The following RIN2 variants were observed in gnomAD, a reference collection of about 807,000 sequenced individuals.
The protein encoded by RIN2 is Ras and Rab interactor 2, also known as RAB5 interacting protein 2.
In RIN2, 36 loss-of-function variants were observed where a neutral mutation model predicts 78.0. That is an observed-to-expected ratio of 0.46 (90% CI 0.35 to 0.61). RIN2 has a LOEUF of 0.61. Among genes scored for constraint, RIN2 ranks in the 20% least tolerant of loss-of-function variants. The pLI, the probability that RIN2 is intolerant of heterozygous loss-of-function variation, is 0.00. For synonymous variants in RIN2, 466 were observed against 466.8 expected (o/e 1.00, Z 0.02); for missense variants, 1,087 against 1,159.7 (o/e 0.94, Z 0.91).
intron 7 of RIN2, among the ~76,000 whole-genome samples, chr20:19,969,185 G>C (rs2042026985): frequency 6.6e-6 from 1 of 152,174 alleles, no homozygotes. Flanking sequence ...GATTTAATCT[G>C]GTTTATCCAA....
At chr20:19,996,055 C>T (rs1248936999) in intron 11 of RIN2, among the ~76,000 whole-genome samples, 1 of 151,456 alleles carries the variant, frequency 6.6e-6, no homozygotes, top group African/African-American at 2.4e-5. Flanking sequence ...GTGGTCATGC[C>T]TGTAATCCCA....
rs1188806489 is a variant in RIN2, at chr20:19,974,725, G to T, written c.700G>T (p.Gly234Cys). ...TCCCCATAGGCCTCTTTCCTCCGAC[G>T]GTGTCTGTCCTGCCTCCCTGCGTCA... ...PPPHRPLSSD[G>C]VCPASLRQLC... Residue 234 changes from glycine to cysteine, a missense_variant, in exon 9 of 13, where the codon GGT becomes TGT. Physicochemically the swap from Gly to Cys is radical, Grantham distance 159. This residue lies in a region of RIN2 where 706 missense variants were observed against 667.5 expected (regional missense o/e 1.06). Transcript: ENST00000255006. 6.2e-7 allele frequency: 1 copy of T among 1,613,928 alleles called. No individual in the cohort carries two copies. The highest frequency in any genetic ancestry group is 8.5e-7 in the Non-Finnish European group (1 of 1,179,872).
intron 2 of RIN2, among the ~76,000 whole-genome samples, chr20:19,803,050 CTGT>C (rs1007717158): frequency 7.2e-5 from 11 of 152,290 alleles, no homozygotes; most frequent in African/African-American, 2.6e-4. Context: ...TTTATTGTTC[CTGT>C]TGTTCTACCT....
In RIN2 at chr20:19,975,555, G is replaced by T. The variant is rs755250708; in HGVS notation, c.1530G>T (p.Pro510=). 6.2e-7 allele frequency: 1 copy of T among 1,614,044 alleles called. No homozygotes were observed. The highest frequency in any genetic ancestry group is 8.5e-7 in the Non-Finnish European group (1 of 1,179,900). The part of the protein sequence containing the change: ...VSGVFSSFMT[P]EKRMVRRIAE... ...GGGTGTTCAGCTCCTTCATGACCCC[G>T]GAGAAGCGGATGGTCCGCAGGATCG... The change falls in exon 9 of 13, where the codon CCG becomes CCT. Residue 510 remains proline (P), a synonymous_variant. Coordinates refer to ENST00000255006, the MANE Select transcript of RIN2 (RefSeq NM_018993.4). This position sits in a 1 kb window ranked among gnomAD's most constrained non-coding sequence, Gnocchi z 4.9.
intron 3 of RIN2, among the ~76,000 whole-genome samples, chr20:19,902,777 A>C (rs1476113118): frequency 1.3e-5 from 2 of 152,214 alleles, no homozygotes; most frequent in East Asian, 3.9e-4. Flanking sequence ...TTATACTAAA[A>C]AACATTATTC....
At chr20:19,902,612 G>C (rs1048951384) in intron 3 of RIN2, among the ~76,000 whole-genome samples, 1 of 152,134 alleles carries the variant, frequency 6.6e-6, no homozygotes, top group Non-Finnish European at 1.5e-5. Flanking sequence ...TCAGTCCGAG[G>C]GAGCTGGGGG....
intron 2 of RIN2, among the ~76,000 whole-genome samples, chr20:19,827,275 CTTTT>C (rs2036121671): frequency 6.6e-6 from 1 of 152,158 alleles, no homozygotes; most frequent in African/African-American, 2.4e-5. Flanking sequence ...CACACCCCGC[CTTTT>C]TCTAATTTTC....
chr20:19,932,202 C>T (rs1387744895), intron 3 of RIN2, among the ~76,000 whole-genome samples: 6 of 152,178 alleles, frequency 3.9e-5, no homozygotes, highest in South Asian at 2.1e-4. Context: ...TTTTCAAAGA[C>T]GTGGTTTCCT....
intron 4 of RIN2, among the ~76,000 whole-genome samples, chr20:19,948,420 A>G (rs2041183237): frequency 6.6e-6 from 1 of 152,182 alleles, no homozygotes; most frequent in African/African-American, 2.4e-5. Context: ...TTGGAGACGC[A>G]GTATCCATCT....
chr20:19,960,371 A>C (rs1394205519), intron 5 of RIN2, among the ~76,000 whole-genome samples: 2 of 152,224 alleles, frequency 1.3e-5, no homozygotes, highest in East Asian at 3.8e-4. Flanking sequence ...TACAGAATAT[A>C]ACTCATATAA....
At position 19,975,287 on chromosome 20, in the gene RIN2, C is replaced by T. The variant is rs1334546632; in HGVS notation, c.1262C>T (p.Pro421Leu). Reference sequence around the variant, plus strand: ...CCGCCCAGCTCTGAATCACGGCCCCCGTGCCATGGAGGCCGGCAGCGGCTG... The same window carrying T: ...CCGCCCAGCTCTGAATCACGGCCCCTGTGCCATGGAGGCCGGCAGCGGCTG... ...APPPSSESRP[P>L]CHGGRQRLSD... Residue 421 changes from proline (P) to leucine (L), a missense_variant, in exon 9 of 13, where the codon CCG becomes CTG. By Grantham distance (98) the Pro-to-Leu change is moderately conservative (BLOSUM62 -3). Around this residue, in one of 8 missense-constraint regions of RIN2, gnomAD observed 706 missense variants for 667.5 expected, o/e 1.06. Coordinates refer to ENST00000255006, the MANE Select transcript of RIN2 (RefSeq NM_018993.4). This position sits in a 1 kb window ranked among gnomAD's most constrained non-coding sequence, Gnocchi z 4.9. The T allele has an allele frequency of 3.1e-6, 5 of 1,600,892 alleles. No homozygotes were observed. The highest frequency in any genetic ancestry group is 1.7e-5 in the Admixed American group (1 of 57,910).
chr20:19,764,298 A>G (rs948375961), intron 1 of RIN2, among the ~76,000 whole-genome samples: 15 of 152,238 alleles, frequency 9.9e-5, no homozygotes, highest in Non-Finnish European at 1.9e-4. Context: ...CTTTTAAAAC[A>G]TGAATGGAAG....
intron 2 of RIN2, chr20:19,886,785 C>A: frequency 5.3e-6 from 8 of 1,515,760 alleles, no homozygotes; most frequent in Non-Finnish European, 7.1e-6. Flanking sequence ...ACTACGGTAC[C>A]CTTTTTGTTT....
chr20:19,934,041 C>G (rs2040536806), intron 3 of RIN2, among the ~76,000 whole-genome samples: 1 of 152,044 alleles, frequency 6.6e-6, no homozygotes, highest in Admixed American at 6.5e-5. Context: ...AACTCCTGAC[C>G]TCAAGTGATC....
At chr20:19,890,993 T>C (rs934410469) in intron 3 of RIN2, among the ~76,000 whole-genome samples, 1 of 152,222 alleles carries the variant, frequency 6.6e-6, no homozygotes, top group African/African-American at 2.4e-5. Flanking sequence ...AGTGAGCTGT[T>C]TTCCCAGGTG....
intron 9 of RIN2, among the ~76,000 whole-genome samples, chr20:19,982,384 T>C (rs2042483980): frequency 6.6e-6 from 1 of 152,122 alleles, no homozygotes; most frequent in African/African-American, 2.4e-5. Context: ...CCTGCTGTTT[T>C]TTTGCGTAGT....
intron 2 of RIN2, among the ~76,000 whole-genome samples, chr20:19,836,581 A>G (rs758307221): frequency 1.3e-5 from 2 of 152,124 alleles, no homozygotes; most frequent in African/African-American, 2.4e-5. Flanking sequence ...TAATCTACCA[A>G]TTAGGAGACC....
chr20:20,001,146 A>G lies in RIN2; in HGVS notation c.*210A>G. The G allele has an allele frequency of 1.8e-6, 1 of 555,442 alleles. No homozygotes were observed. Among genetic ancestry groups the G allele is most frequent in the Non-Finnish European group, 3.2e-6 (1 of 312,178 alleles). The allele number at this position is 555,442 out of a possible 1,614,324, so 34.4% of individuals were successfully genotyped here. On this transcript the variant is annotated 3_prime_UTR_variant, in exon 13 of 13. Transcript: ENST00000255006. ...GAAACAGTAGGATTCTCTTTTGGCA[A>G]TGGAGAATTGCATCTGATGGTTCAA...
intron 2 of RIN2, among the ~76,000 whole-genome samples, chr20:19,834,449 C>T (rs914785908): frequency 6.6e-6 from 1 of 152,138 alleles, no homozygotes; most frequent in South Asian, 2.1e-4. Context: ...AATCGCACAG[C>T]TAGTAAGCAG....
Sources: allele counts gnomAD v4.1 joint callset (sites outside exome capture counted in the v4.1 genomes callset), GRCh38; gene constraint gnomAD v4.1.1; regional missense constraint gnomAD v4.1.1; non-coding constraint Gnocchi (gnomAD v3.1); transcripts MANE v1.5; gene names NCBI Gene and HGNC (gene_info 2026-07-23, HGNC 2026-07-21).